The following PLAAT1 variants were observed in gnomAD, a reference collection of about 807,000 sequenced individuals.
The protein encoded by PLAAT1 is phospholipase A and acyltransferase 1.
In PLAAT1, 13 loss-of-function variants were observed where a neutral mutation model predicts 16.4. The ratio of observed to expected loss-of-function variants is 0.79; its 90% CI spans 0.52 to 1.26. The LOEUF (loss-of-function observed/expected upper bound fraction) is 1.26, where lower values mean the gene tolerates loss of function less well. Ranked by LOEUF, PLAAT1 falls within the 50% of genes most tolerant of loss-of-function variation. The pLI is 0.00. For missense variants in PLAAT1, 218 were observed against 207.8 expected (o/e 1.05, Z -0.30); for synonymous variants, 73 against 78.4 (o/e 0.93, Z 0.36).
chr3:193,247,565 C>T (rs1716026596), intron 1 of PLAAT1, among the ~76,000 whole-genome samples: 1 of 152,144 alleles, frequency 6.6e-6, no homozygotes, highest in Non-Finnish European at 1.5e-5. Flanking sequence ...CTAATTATTC[C>T]TGGTCATGAG....
chr3:193,271,058 T>A (rs1716969289), downstream of PLAAT1, among the ~76,000 whole-genome samples: 1 of 152,236 alleles, frequency 6.6e-6, no homozygotes, highest in African/African-American at 2.4e-5. Context: ...TATATATGGT[T>A]TTGAAAGAAA....
chr3:193,270,959 C>G, downstream of PLAAT1: 1 of 572,756 alleles, frequency 1.7e-6, no homozygotes, highest in Non-Finnish European at 2.4e-6. Flanking sequence ...AAGATCTTAA[C>G]AAAATCTCAT....
chr3:193,270,113 CG>C (rs1716936012), intron 3 of PLAAT1, among the ~76,000 whole-genome samples: 1 of 151,362 alleles, frequency 6.6e-6, no homozygotes, highest in African/African-American at 2.4e-5. Flanking sequence ...CACTCTTACA[CG>C]ATACTTACTT....
At chr3:193,241,990 A>C (rs1378060061) in intron 1 of PLAAT1, among the ~76,000 whole-genome samples, 2 of 152,168 alleles carry the variant, frequency 1.3e-5, no homozygotes, top group African/African-American at 2.4e-5. Flanking sequence ...CTCTCACCGG[A>C]GACTGAAGGT....
At chr3:193,265,413 G>A (rs910554892) in intron 3 of PLAAT1, among the ~76,000 whole-genome samples, 7 of 152,080 alleles carry the variant, frequency 4.6e-5, no homozygotes, top group Admixed American at 1.3e-4. Context: ...TTATTTCATC[G>A]ATATGAGATG....
chr3:193,257,217 A>T (rs1342302362), intron 2 of PLAAT1, among the ~76,000 whole-genome samples: 1 of 152,138 alleles, frequency 6.6e-6, no homozygotes, highest in East Asian at 1.9e-4. Flanking sequence ...GACTCCAATC[A>T]CTCCAGTGTG....
At chr3:193,264,803 G>A (rs962253633) in intron 3 of PLAAT1, among the ~76,000 whole-genome samples, 2 of 152,166 alleles carry the variant, frequency 1.3e-5, no homozygotes, top group Non-Finnish European at 2.9e-5. Context: ...GTGAGCCACC[G>A]TGCCCAGCCT....
chr3:193,276,867 A>T lies in PLAAT1; in HGVS notation c.*60-769A>T. 2.1e-6 allele frequency: 3 copies of T among 1,431,080 alleles called. 1 individual carries two copies. In the South Asian group the frequency reaches 3.7e-5, roughly 17 times the overall value. 88.6% of individuals were successfully genotyped at this position (1,431,080 alleles called of 1,614,324 possible). ...CAAATACCATTATTATATTTTGCAC[A>T]CTTCACACTTTGAAAAAAGACCATA... On this transcript the variant is annotated intron_variant and NMD_transcript_variant, in intron 2 of 2. Coordinates refer to the PLAAT1 transcript ENST00000416012.
chr3:193,270,659 C>T lies in PLAAT1; in HGVS notation c.461C>T (p.Ser154Leu). ...EFVTAAVGVF[S>L]FLGLFPKGQR... ...GTGACAGCTGCTGTTGGTGTCTTCT[C>T]ATTCCTGGGCTTGTTTCCAAAAGGA... The change falls in exon 4 of 4, where the codon TCA becomes TTA. Residue 154 changes from serine to leucine, a missense_variant. Ser to Leu is a moderately radical substitution (Grantham distance 145). Coordinates refer to ENST00000264735, the MANE Select transcript of PLAAT1 (RefSeq NM_020386.5). 1.2e-6 allele frequency: 2 copies of T among 1,613,650 alleles called. No individual in the cohort carries two copies. Among genetic ancestry groups the T allele is most frequent in the Non-Finnish European group, 1.7e-6 (2 of 1,179,652 alleles).
At chr3:193,257,335 T>C (rs1397435003) in intron 2 of PLAAT1, among the ~76,000 whole-genome samples, 2 of 152,188 alleles carry the variant, frequency 1.3e-5, no homozygotes, top group Non-Finnish European at 2.9e-5. Context: ...TGGGATTTGG[T>C]GCTGGATAGA....
chr3:193,263,149 G>A lies in PLAAT1; in HGVS notation c.319G>A (p.Gly107Arg). The A allele has an allele frequency of 1.2e-6, 2 of 1,614,148 alleles. No individual in the cohort carries two copies. Among genetic ancestry groups the A allele is most frequent in the Non-Finnish European group, 1.7e-6 (2 of 1,180,006 alleles). Residue 107 changes from glycine to arginine, a missense_variant, in exon 3 of 4, where the codon GGA becomes AGA. Gly to Arg is a moderately radical substitution (Grantham distance 125). Transcript: ENST00000264735. The stretch of plus-strand genomic sequence containing the variant: ...CATAAAGCGGTCAGAGTTTGTAATT[G>A]GACAGGAGGTGGCCTATAACTTACT... ...EIIKRSEFVIGQEVAYNLLVN... is the reference protein window; with the variant it reads ...EIIKRSEFVIRQEVAYNLLVN...
chr3:193,262,371 A>G (rs1326710320), intron 2 of PLAAT1, among the ~76,000 whole-genome samples: 1 of 146,576 alleles, frequency 6.8e-6, no homozygotes, highest in Non-Finnish European at 1.5e-5. Context: ...GGCCAAAGGA[A>G]CTGGCAGGAA....
intron 3 of PLAAT1, 45 bp downstream of exon 3, chr3:193,263,280 C>T: frequency 6.4e-7 from 1 of 1,571,932 alleles, no homozygotes; most frequent in South Asian, 1.2e-5. Flanking sequence ...AAAAGAATAA[C>T]TATTGGCTAT....
downstream of PLAAT1, chr3:193,275,090 G>C: frequency 1.2e-6 from 2 of 1,614,162 alleles, no homozygotes; most frequent in Non-Finnish European, 1.7e-6. Flanking sequence ...CTCCCAATTT[G>C]AGTTTTCTTT....
At chr3:193,274,428 A>G (rs944502458), downstream of PLAAT1, among the ~76,000 whole-genome samples, 3 of 152,252 alleles carry the variant, frequency 2.0e-5, no homozygotes, top group African/African-American at 7.2e-5. Context: ...TTGCTTATAT[A>G]TTAACTGTGC....
At chr3:193,241,156 G>T (rs945826490), upstream of PLAAT1, 1 of 1,179,614 alleles carries the variant, frequency 8.5e-7, no homozygotes, top group African/African-American at 1.6e-5. Flanking sequence ...CTGGGCTCGG[G>T]GCCAAGCGAG....
chr3:193,271,327 G>A (rs1716976411), downstream of PLAAT1, among the ~76,000 whole-genome samples: 4 of 152,178 alleles, frequency 2.6e-5, no homozygotes, highest in Admixed American at 2.6e-4. Context: ...GACATGACAA[G>A]TAAGAGTGGG....
At position 193,255,661 on chromosome 3, in the gene PLAAT1, A is replaced by G. The variant is rs1400656835; in HGVS notation, c.11A>G (p.Asn4Ser). The stretch of plus-strand genomic sequence containing the variant: ...TATTTGTCATTGCAGATGGCGTTTA[A>G]TGATTGCTTCAGTTTGAACTACCCT... MAF[N>S]DCFSLNYPGN... Residue 4 changes from asparagine to serine, a missense_variant, in exon 2 of 4, where the codon AAT becomes AGT. Physicochemically the swap from Asn to Ser is conservative, Grantham distance 46 (BLOSUM62 1). Transcript: ENST00000264735. The G allele has an allele frequency of 6.2e-7, 1 of 1,607,754 alleles. No individual in the cohort carries two copies. The highest frequency in any genetic ancestry group is 8.5e-7 in the Non-Finnish European group (1 of 1,176,906).
rs145238277 is a variant in PLAAT1 at position 193,264,250 on chromosome 3, G to A, written c.405+1015G>A. ...TCTTCTCACAAAAGCTTGGAAAAAT[G>A]TCATCTATAAGAAGGCTAGCAAAGC... is the stretch of plus-strand genomic sequence containing the variant. On this transcript the variant is annotated intron_variant, in intron 3 of 3. Coordinates refer to ENST00000264735, the MANE Select transcript of PLAAT1 (RefSeq NM_020386.5). Among the ~76,000 whole-genome samples, 485 of 152,224 alleles carry A rather than the reference G, an allele frequency of 3.2e-3. 3 individuals carry two copies. The highest frequency in any genetic ancestry group is 0.011 in the African/African-American group (452 of 41,554).
Sources: allele counts gnomAD v4.1 joint callset (sites outside exome capture counted in the v4.1 genomes callset), GRCh38; gene constraint gnomAD v4.1.1; transcripts MANE v1.5; gene names NCBI Gene and HGNC (gene_info 2026-07-23, HGNC 2026-07-21).